PLCE1: variants seen among roughly 807,000 people sequenced by gnomAD.
PLCE1 encodes the protein phospholipase C epsilon 1.
Under a neutral mutation model 242.8 loss-of-function variants are expected in PLCE1, and 119 were observed. The observed-to-expected ratio is 0.49, with a 90% CI of 0.42 to 0.57. PLCE1 has a LOEUF of 0.57. Among genes scored for constraint, PLCE1 ranks in the 20% least tolerant of loss-of-function variants. The probability of loss-of-function intolerance (pLI) is 0.00; values close to 1 mark genes in which losing one functional copy is unlikely to be tolerated. For missense variants in PLCE1, 2,441 were observed against 2,788.8 expected (o/e 0.88, Z 2.81); for synonymous variants, 945 against 1,017.4 (o/e 0.93, Z 1.35).
At chr10:94,181,647 T>G (rs181123377) in intron 4 of PLCE1, among the ~76,000 whole-genome samples, 5 of 152,154 alleles carry the variant, frequency 3.3e-5, no homozygotes, top group African/African-American at 4.8e-5. Flanking sequence ...AGTGGCTCAC[T>G]CCTACAATCC....
intron 4 of PLCE1, among the ~76,000 whole-genome samples, chr10:94,216,674 G>A (rs1354255884): frequency 6.6e-6 from 1 of 151,998 alleles, no homozygotes; most frequent in Admixed American, 6.6e-5. Flanking sequence ...TAATTCAGAA[G>A]GACCCTGTCC....
chr10:94,174,383 G>T (rs2048067845), intron 4 of PLCE1, among the ~76,000 whole-genome samples: 2 of 152,174 alleles, frequency 1.3e-5, no homozygotes, highest in Non-Finnish European at 2.9e-5. Context: ...GAATACTACA[G>T]TAATAACTGT....
chr10:94,039,089 A>G (rs75045090), intron 2 of PLCE1, among the ~76,000 whole-genome samples: 2,687 of 152,312 alleles, frequency 0.018, 91 homozygotes, highest in African/African-American at 0.061. Context: ...TCACTGCTGA[A>G]TAATATTTCA....
chr10:94,259,744 A>G (rs1830890), intron 13 of PLCE1, among the ~76,000 whole-genome samples: 54,667 of 151,874 alleles, frequency 0.36, 10,133 homozygotes, highest in Middle Eastern at 0.47. Context: ...TTTCCCGACT[A>G]TATTAGTCCA....
intron 29 of PLCE1, among the ~76,000 whole-genome samples, chr10:94,317,310 A>G (rs913856449): frequency 6.6e-6 from 1 of 152,224 alleles, no homozygotes; most frequent in Non-Finnish European, 1.5e-5. Context: ...TCCATTTTAA[A>G]AATAAATAAA....
At chr10:94,101,509 C>T (rs2045534943) in intron 2 of PLCE1, among the ~76,000 whole-genome samples, 1 of 152,024 alleles carries the variant, frequency 6.6e-6, no homozygotes, top group Admixed American at 6.5e-5. Context: ...GCTTGAGTTA[C>T]CAACAAACAA....
chr10:94,214,596 G>C (rs1339891027), intron 4 of PLCE1, among the ~76,000 whole-genome samples: 1 of 152,150 alleles, frequency 6.6e-6, no homozygotes, highest in East Asian at 1.9e-4. Flanking sequence ...TCAGTGGAAT[G>C]TACGCCAACA....
chr10:94,037,723 T>C (rs2061690507), intron 2 of PLCE1, among the ~76,000 whole-genome samples: 2 of 152,162 alleles, frequency 1.3e-5, no homozygotes, highest in African/African-American at 2.4e-5. Flanking sequence ...TTTGTGATGA[T>C]TGGACTGCTT....
At position 94,306,539 on chromosome 10, in the gene PLCE1, A is replaced by T. The variant is rs1366569206; in HGVS notation, c.5735A>T (p.His1912Leu). ...DSCHFRTKPI[H>L]RNTLNPMWNE... ...TGCCATTTCCGCACAAAGCCCATCC[A>T]TCGAAACACCCTGAACCCCATGTGG... Residue 1912 changes from histidine (H) to leucine (L), a missense_variant, in exon 26 of 33, where the codon CAT becomes CTT. Transcript: ENST00000371380. The surrounding 1 kb of genome is among the most constrained non-coding windows in gnomAD (Gnocchi z 5.7). 6.2e-7 allele frequency: 1 copy of T among 1,614,038 alleles called. No individual in the cohort carries two copies. The highest frequency in any genetic ancestry group is 2.2e-5 in the East Asian group (1 of 44,892).
intron 4 of PLCE1, among the ~76,000 whole-genome samples, chr10:94,183,762 A>C (rs1309922480): frequency 6.6e-6 from 1 of 152,162 alleles, no homozygotes; most frequent in Non-Finnish European, 1.5e-5. Context: ...GCTTTTACTC[A>C]TGGCGGGAGG....
chr10:94,169,200 T>C (rs1011607722), intron 3 of PLCE1, among the ~76,000 whole-genome samples: 1 of 152,182 alleles, frequency 6.6e-6, no homozygotes, highest in African/African-American at 2.4e-5. Context: ...GCCTGATTTT[T>C]TGATCAGAAG....
chr10:94,326,168 C>G lies in PLCE1; in HGVS notation c.*24+1064C>G, dbSNP rs373048535. Among the ~76,000 whole-genome samples, 8 of 152,200 alleles carry G rather than the reference C, an allele frequency of 5.3e-5. No individual in the cohort carries two copies. The East Asian group carries it at 1.5e-3, about 29-fold the overall frequency. ...TGGTAGTTCACAGATTTAAAATTCC[C>G]AAGATGAACAGCACAGTGAAAGCAT... On this transcript the variant is annotated intron_variant, in intron 32 of 32. Transcript: ENST00000371380.
intron 6 of PLCE1, among the ~76,000 whole-genome samples, chr10:94,234,958 A>G (rs1370208854): frequency 1.3e-5 from 2 of 152,164 alleles, no homozygotes; most frequent in Non-Finnish European, 2.9e-5. Flanking sequence ...AGAAGTGACT[A>G]AAATGGAAAG....
chr10:94,254,836 T>G lies in PLCE1; in HGVS notation c.3398-57T>G. 3.8e-6 allele frequency: 6 copies of G among 1,590,536 alleles called. No individual in the cohort carries two copies. In the South Asian group the frequency reaches 6.6e-5, roughly 18 times the overall value. ...AGAAGCCTCTCTGGTTTGTATTTGG[T>G]TCTGAGGGAAAGTATAATCTGAGTC... On this transcript the variant is annotated intron_variant, in intron 10 of 32. Coordinates refer to ENST00000371380, the MANE Select transcript of PLCE1 (RefSeq NM_016341.4).
At chr10:94,138,665 A>G (rs1433207060) in intron 3 of PLCE1, 2 of 326,400 alleles carry the variant, frequency 6.1e-6, no homozygotes, top group South Asian at 2.8e-5. Flanking sequence ...GAGGTGTTAC[A>G]TCATTCGCAA....
chr10:94,220,350 A>G (rs1299408697), intron 4 of PLCE1, among the ~76,000 whole-genome samples: 1 of 140,950 alleles, frequency 7.1e-6, no homozygotes, highest in East Asian at 2.1e-4. Flanking sequence ...TTCTAAAAAG[A>G]AATAAAAGCT....
At chr10:94,000,724 C>T (rs1362962394) in intron 1 of PLCE1, among the ~76,000 whole-genome samples, 1 of 152,222 alleles carries the variant, frequency 6.6e-6, no homozygotes, top group Non-Finnish European at 1.5e-5. Flanking sequence ...CCCCAGCTGC[C>T]ACTGAAATAG....
intron 2 of PLCE1, among the ~76,000 whole-genome samples, chr10:94,065,957 A>G (rs2044184048): frequency 6.6e-6 from 1 of 152,102 alleles, no homozygotes; most frequent in Admixed American, 6.6e-5. Flanking sequence ...CCCTCCTTTA[A>G]CCTGTAAAAG....
At chr10:94,320,598 GGA>G (rs1286146715) in intron 29 of PLCE1, among the ~76,000 whole-genome samples, 4 of 152,320 alleles carry the variant, frequency 2.6e-5, no homozygotes, top group African/African-American at 7.2e-5. Flanking sequence ...AGCCTGGTCT[GGA>G]GAGATGAGGC....
Sources: gnomAD v4.1 joint callset for allele counts (sites outside exome capture counted in the v4.1 genomes callset) on GRCh38, gnomAD v4.1.1 for gene constraint, Gnocchi (gnomAD v3.1) non-coding constraint, MANE v1.5 for transcripts, NCBI Gene and HGNC (gene_info 2026-07-23, HGNC 2026-07-21) for gene names.